The following EML1 variants were observed in gnomAD, a reference collection of about 807,000 sequenced individuals.
EML1 encodes echinoderm microtubule-associated protein-like 1.
In EML1, 27 loss-of-function variants were observed where a neutral mutation model predicts 110.4. That is an observed-to-expected ratio of 0.24 (90% CI 0.18 to 0.34). The LOEUF (loss-of-function observed/expected upper bound fraction) is 0.34. EML1 is among the 10% of genes least tolerant of loss of function. EML1 has a pLI of 1.00. For missense variants in EML1, 741 were observed against 1,030.9 expected (o/e 0.72, Z 3.85); for synonymous variants, 344 against 385.8 (o/e 0.89, Z 1.27).
chr14:99,785,981 A>G (rs1021720971), intron 1 of EML1, among the ~76,000 whole-genome samples: 7 of 150,938 alleles, frequency 4.6e-5, no homozygotes, highest in Non-Finnish European at 1.0e-4. Flanking sequence ...CGAAGGAGAC[A>G]TTGAAGGGTG....
chr14:99,877,814 C>T (rs975548), intron 3 of EML1, among the ~76,000 whole-genome samples: 49,972 of 152,078 alleles, frequency 0.33, 8,723 homozygotes, highest in South Asian at 0.5. Context: ...GATTTCTAGC[C>T]GCACCCCGGG....
chr14:99,923,615 T>G (rs2060171910), intron 17 of EML1, among the ~76,000 whole-genome samples: 1 of 147,576 alleles, frequency 6.8e-6, no homozygotes, highest in African/African-American at 2.4e-5. Context: ...AATGTAAAGG[T>G]TTATTTCCGG....
intron 1 of EML1, among the ~76,000 whole-genome samples, chr14:99,748,773 C>T (rs896036527): frequency 6.6e-6 from 1 of 152,200 alleles, no homozygotes; most frequent in Non-Finnish European, 1.5e-5. Flanking sequence ...TAGAACACTT[C>T]CGTCGTCCAC....
At position 99,747,385 on chromosome 14, in the gene EML1, A is replaced by G. The variant is rs61519155; in HGVS notation, c.28+9525A>G. 8.6e-4 allele frequency among the ~76,000 whole-genome samples: 130 copies of G among 151,976 alleles called. 2 individuals carry two copies. In the East Asian group the frequency reaches 0.018, roughly 21 times the overall value. On this transcript the variant is annotated intron_variant, in intron 1 of 10. Coordinates refer to the EML1 transcript ENST00000554479. ...GGTGGCACAGATCGGCTCCAGATGT[A>G]CAGGGCACATTTGGGGAATGGCAGC...
Position 99,941,387 on chromosome 14 carries a change from A to T in EML1, c.*1275A>T, listed in dbSNP as rs1288894010. 1.3e-5 allele frequency: 2 copies of T among 152,220 alleles called. No homozygotes were observed. The highest frequency in any genetic ancestry group is 2.9e-5 in the Non-Finnish European group (2 of 68,044). The allele number at this position is 152,220 out of a possible 1,614,324, so 9.4% of individuals were successfully genotyped here. A position where few individuals can be genotyped will look rare whatever the true frequency, so the allele number is the denominator to read the frequency against. On this transcript the variant is annotated 3_prime_UTR_variant, in exon 22 of 22. Coordinates refer to ENST00000262233, the MANE Select transcript of EML1 (RefSeq NM_004434.3). The stretch of plus-strand genomic sequence containing the variant: ...CACTGGTTGTTTAGAGTGACTGATG[A>T]AGTGCAACTTTCAAAAACATTTTTG...
chr14:99,793,798 C>G (rs1255024942), intron 1 of EML1, among the ~76,000 whole-genome samples: 1 of 148,914 alleles, frequency 6.7e-6, no homozygotes, highest in African/African-American at 2.4e-5. Flanking sequence ...GCGCGGACCC[C>G]GCCGGCTCCA....
At chr14:99,756,436 C>T (rs1308178592) in intron 1 of EML1, among the ~76,000 whole-genome samples, 3 of 152,206 alleles carry the variant, frequency 2.0e-5, no homozygotes, top group East Asian at 3.9e-4. Context: ...AGGCAAAGGC[C>T]GCGGGAGGCC....
intron 2 of EML1, among the ~76,000 whole-genome samples, chr14:99,859,662 C>G (rs912979679): frequency 2.0e-5 from 3 of 152,244 alleles, no homozygotes; most frequent in Admixed American, 1.3e-4. Flanking sequence ...CTACCTCCCC[C>G]ACTCTGCCTT....
At chr14:99,845,865 A>G (rs113325634) in intron 1 of EML1, among the ~76,000 whole-genome samples, 1 of 152,102 alleles carries the variant, frequency 6.6e-6, no homozygotes, top group African/African-American at 2.4e-5. Flanking sequence ...AGCCTGGCCA[A>G]TGTGGTGAAA....
At chr14:99,828,993 G>T (rs1463683582) in intron 1 of EML1, among the ~76,000 whole-genome samples, 1 of 152,112 alleles carries the variant, frequency 6.6e-6, no homozygotes, top group African/African-American at 2.4e-5. Context: ...CCACATAGAA[G>T]TGGATCCACG....
At chr14:99,818,051 C>T (rs77689659) in intron 1 of EML1, among the ~76,000 whole-genome samples, 1,586 of 151,756 alleles carry the variant, frequency 0.01, 6 homozygotes, top group Middle Eastern at 0.027. Context: ...TGGAAGCAGG[C>T]GAAAGTGTGC....
intron 16 of EML1, 98 bp downstream of exon 16, chr14:99,917,947 C>A: frequency 1.6e-6 from 2 of 1,241,566 alleles, no homozygotes; most frequent in African/African-American, 1.5e-5. Context: ...CAGCTCTTGG[C>A]TACATGTTCG....
chr14:99,940,037 T>G lies in EML1; in HGVS notation c.2373T>G (p.Asp791Glu). The change falls in exon 22 of 22, where the codon GAT (aspartate) becomes GAG (glutamate). Residue 791 changes from aspartate (D) to glutamate (E), a missense_variant. By Grantham distance (45) the Asp-to-Glu change is conservative. Around this residue, in one of 4 missense-constraint regions of EML1, gnomAD observed 114 missense variants for 122.5 expected, o/e 0.93. Transcript: ENST00000262233. The stretch of plus-strand genomic sequence containing the variant: ...ACAGCAGCCATGTCACCAATGTCGA[T>G]TTCCTCTGTGAAGACAGCCACCTCA... ...GGHSSHVTNV[D>E]FLCEDSHLIS... 3 of 1,603,520 alleles carry G rather than the reference T, an allele frequency of 1.9e-6. No individual in the cohort carries two copies. Among genetic ancestry groups the G allele is most frequent in the Non-Finnish European group, 2.6e-6 (3 of 1,175,230 alleles).
intron 1 of EML1, among the ~76,000 whole-genome samples, chr14:99,783,622 C>G: frequency 6.6e-6 from 1 of 151,842 alleles, no homozygotes; most frequent in Admixed American, 6.6e-5. Context: ...GTAGCTGGGA[C>G]AACAGGTGTG....
At chr14:99,821,131 T>C (rs2058254936) in intron 1 of EML1, among the ~76,000 whole-genome samples, 1 of 150,648 alleles carries the variant, frequency 6.6e-6, no homozygotes, top group Non-Finnish European at 1.5e-5. Flanking sequence ...CAAGTGATCC[T>C]ACTGCCTGAG....
At position 99,795,663 on chromosome 14, in the gene EML1, G is replaced by A. The variant is rs1259500272; in HGVS notation, c.67+2120G>A. ...AATTAAAGCAGTGGATCACAGAAAT[G>A]CCATTTCACTAGGAACTAAATTAAA... On this transcript the variant is annotated intron_variant, in intron 1 of 21. Coordinates refer to ENST00000262233, the MANE Select transcript of EML1 (RefSeq NM_004434.3). Among the ~76,000 whole-genome samples, 6 of 152,292 alleles carry A rather than the reference G, an allele frequency of 3.9e-5. No homozygotes were observed. In the East Asian group the frequency reaches 1.2e-3, roughly 29 times the overall value.
chr14:99,829,062 G>T (rs55801220), intron 1 of EML1, among the ~76,000 whole-genome samples: 7,194 of 152,238 alleles, frequency 0.047, 578 homozygotes, highest in African/African-American at 0.16. Flanking sequence ...ATAGGGTTCA[G>T]TGCTGTCCAC....
chr14:99,897,031 A>T, intron 6 of EML1, 114 bp from the exon 7 acceptor site: 1 of 951,132 alleles, frequency 1.1e-6, no homozygotes. Flanking sequence ...TGTTTAAATT[A>T]GTGATGCTGA....
At chr14:99,751,058 G>A (rs1205430091) in intron 1 of EML1, among the ~76,000 whole-genome samples, 1 of 152,038 alleles carries the variant, frequency 6.6e-6, no homozygotes, top group Non-Finnish European at 1.5e-5. Context: ...TCTTAAAAAA[G>A]AAAATTAAAA....
Sources: allele counts gnomAD v4.1 joint callset (sites outside exome capture counted in the v4.1 genomes callset), GRCh38; gene constraint gnomAD v4.1.1; regional missense constraint gnomAD v4.1.1; transcripts MANE v1.5; gene names NCBI Gene and HGNC (gene_info 2026-07-23, HGNC 2026-07-21).